The following GRID2 variants were observed in gnomAD, a reference collection of about 807,000 sequenced individuals.
The protein encoded by GRID2 is glutamate ionotropic receptor delta type subunit 2, also known as glutamate receptor ionotropic, delta-2.
Under a neutral mutation model 114.8 loss-of-function variants are expected in GRID2, and 33 were observed. The observed-to-expected ratio is 0.29, with a 90% CI of 0.22 to 0.38. The LOEUF (loss-of-function observed/expected upper bound fraction) is 0.38, where lower values mean the gene tolerates loss of function less well. Among genes scored for constraint, GRID2 ranks in the 10% least tolerant of loss-of-function variants. The pLI, the probability that GRID2 is intolerant of heterozygous loss-of-function variation, is 1.00. For missense variants in GRID2, 1,184 were observed against 1,257.7 expected (o/e 0.94, Z 0.89); for synonymous variants, 505 against 449.9 (o/e 1.12, Z -1.55).
At chr4:92,736,336 A>G (rs992842593) in intron 2 of GRID2, among the ~76,000 whole-genome samples, 2 of 152,070 alleles carry the variant, frequency 1.3e-5, no homozygotes, top group East Asian at 1.9e-4. Context: ...ATACAGCCCT[A>G]AAGACATTTG....
At position 93,520,217 on chromosome 4, in the gene GRID2, C is replaced by T. The variant is rs191769256; in HGVS notation, c.2193+4806C>T. On this transcript the variant is annotated intron_variant, in intron 13 of 15. Coordinates refer to ENST00000282020, the MANE Select transcript of GRID2 (RefSeq NM_001510.4). ...ATTGTTTCCAAGTCTCTGTTCTAGG[C>T]ATTAGAAGGTGTAATAGAACAGGTA... Among the ~76,000 whole-genome samples, 3 of 152,056 alleles carry T rather than the reference C, an allele frequency of 2.0e-5. No homozygotes were observed. The East Asian group carries it at 5.8e-4, about 30-fold the overall frequency.
intron 4 of GRID2, among the ~76,000 whole-genome samples, chr4:93,172,178 T>C (rs1013015428): frequency 6.6e-6 from 1 of 152,158 alleles, no homozygotes; most frequent in African/African-American, 2.4e-5. Context: ...ACATTACCAG[T>C]GATGTGTTCT....
chr4:92,868,245 A>G (rs554415895), intron 2 of GRID2, among the ~76,000 whole-genome samples: 29 of 152,114 alleles, frequency 1.9e-4, no homozygotes, highest in African/African-American at 6.0e-4. Flanking sequence ...ATATTCTACA[A>G]CAGGGTTGGT....
At chr4:93,621,860 G>A (rs1285402686) in intron 13 of GRID2, among the ~76,000 whole-genome samples, 1 of 152,046 alleles carries the variant, frequency 6.6e-6, no homozygotes, top group Non-Finnish European at 1.5e-5. Context: ...ATAATTCTTT[G>A]GAACATTAGT....
At chr4:93,767,264 G>A (rs978628635) in intron 14 of GRID2, among the ~76,000 whole-genome samples, 2 of 152,130 alleles carry the variant, frequency 1.3e-5, no homozygotes, top group Non-Finnish European at 2.9e-5. Context: ...GTGTTTCTCA[G>A]AATTAATAAC....
chr4:92,438,666 C>T (rs1465377834), intron 1 of GRID2, among the ~76,000 whole-genome samples: 3 of 151,606 alleles, frequency 2.0e-5, no homozygotes, highest in East Asian at 1.9e-4. Context: ...CCCAACTCTT[C>T]GTTGGCTACC....
At chr4:92,333,153 G>A (rs1286663120) in intron 1 of GRID2, among the ~76,000 whole-genome samples, 1 of 152,250 alleles carries the variant, frequency 6.6e-6, no homozygotes, top group African/African-American at 2.4e-5. Flanking sequence ...TCTGGATGAA[G>A]GCCAGAATGG....
chr4:92,566,213 C>T (rs1157578953), intron 1 of GRID2, among the ~76,000 whole-genome samples: 1 of 151,662 alleles, frequency 6.6e-6, no homozygotes, highest in African/African-American at 2.4e-5. Context: ...CAATGGAGAG[C>T]ATCTCAAAAT....
At chr4:92,714,563 CT>C (rs1213793204) in intron 2 of GRID2, among the ~76,000 whole-genome samples, 5 of 152,186 alleles carry the variant, frequency 3.3e-5, no homozygotes, top group Non-Finnish European at 7.3e-5. Context: ...AGCCTTATGC[CT>C]GCCACAAACT....
At chr4:92,987,464 G>A (rs1189742693) in intron 2 of GRID2, among the ~76,000 whole-genome samples, 2 of 152,006 alleles carry the variant, frequency 1.3e-5, no homozygotes, top group African/African-American at 4.8e-5. Context: ...AGGGGAGAGG[G>A]ATAGCATTAG....
rs145165733 is a variant in GRID2, at chr4:93,473,545, T to C, written c.1859-17094T>C. On this transcript the variant is annotated intron_variant, in intron 11 of 15. Transcript: ENST00000282020. ...CTACTTGGACATAAAACATGACAAC[T>C]CTGCACACCTTAAAAATTACCTAAA... Among the ~76,000 whole-genome samples, 475 of 152,222 alleles carry C rather than the reference T, an allele frequency of 3.1e-3. 2 individuals carry two copies. Among genetic ancestry groups the C allele is most frequent in the African/African-American group, 6.4e-3 (266 of 41,562 alleles).
At chr4:93,610,950 C>T (rs181705500) in intron 13 of GRID2, among the ~76,000 whole-genome samples, 4,602 of 136,540 alleles carry the variant, frequency 0.034, 712 homozygotes, top group African/African-American at 0.083. Context: ...GTCCTGGACT[C>T]TTTTAGGTTG....
intron 9 of GRID2, among the ~76,000 whole-genome samples, chr4:93,419,313 A>T (rs1253759784): frequency 6.6e-6 from 1 of 151,984 alleles, no homozygotes; most frequent in Non-Finnish European, 1.5e-5. Context: ...AGTGAATGTT[A>T]AATGGATAAA....
chr4:92,805,845 T>G (rs1276004611), intron 2 of GRID2, among the ~76,000 whole-genome samples: 1 of 151,874 alleles, frequency 6.6e-6, no homozygotes, highest in African/African-American at 2.4e-5. Context: ...TTCTCATAGT[T>G]TCTCTATATG....
At chr4:93,348,092 C>G (rs1760422708) in intron 8 of GRID2, among the ~76,000 whole-genome samples, 1 of 152,026 alleles carries the variant, frequency 6.6e-6, no homozygotes, top group Admixed American at 6.6e-5. Flanking sequence ...TGTAATGGCA[C>G]AAAGATTTGC....
intron 10 of GRID2, among the ~76,000 whole-genome samples, chr4:93,454,713 C>G (rs1723027480): frequency 6.6e-6 from 1 of 151,926 alleles, no homozygotes; most frequent in African/African-American, 2.4e-5. Context: ...TTCCCAAAAG[C>G]TATAAACACA....
intron 5 of GRID2, among the ~76,000 whole-genome samples, chr4:93,211,898 A>C (rs887904556): frequency 6.6e-6 from 1 of 152,108 alleles, no homozygotes; most frequent in Admixed American, 6.6e-5. Flanking sequence ...CTTACTTTCA[A>C]ATTATTCCAT....
intron 4 of GRID2, among the ~76,000 whole-genome samples, chr4:93,188,987 A>G (rs1740710999): frequency 6.6e-6 from 1 of 152,170 alleles, no homozygotes; most frequent in Non-Finnish European, 1.5e-5. Context: ...ATCTCTAAAA[A>G]GATTGAGGCC....
At chr4:93,144,302 T>C (rs1258772714) in intron 4 of GRID2, among the ~76,000 whole-genome samples, 1 of 152,226 alleles carries the variant, frequency 6.6e-6, no homozygotes, top group African/African-American at 2.4e-5. Flanking sequence ...AAATTCTTTA[T>C]GTGCATAAGC....
Sources: allele counts gnomAD v4.1 joint callset (sites outside exome capture counted in the v4.1 genomes callset), GRCh38; gene constraint gnomAD v4.1.1; transcripts MANE v1.5; gene names NCBI Gene and HGNC (gene_info 2026-07-23, HGNC 2026-07-21).